ACACA: variants seen among roughly 807,000 people sequenced by gnomAD.
ACACA encodes the protein acetyl-CoA carboxylase alpha, also known as acetyl-CoA carboxylase 1.
Under a neutral mutation model 296.1 loss-of-function variants are expected in ACACA, and 103 were observed. The observed-to-expected ratio is 0.35, with a 90% CI of 0.30 to 0.41. ACACA has a LOEUF of 0.41. Ranked by LOEUF, ACACA falls within the 10% of genes least tolerant of loss-of-function variation. The probability of loss-of-function intolerance (pLI) is 1.00; values close to 1 mark genes in which losing one functional copy is unlikely to be tolerated. For missense variants in ACACA, 1,554 were observed against 2,989.7 expected (o/e 0.52, Z 11.20); for synonymous variants, 953 against 1,038.6 (o/e 0.92, Z 1.58).
At chr17:37,148,009 G>A (rs994218429) in intron 45 of ACACA, among the ~76,000 whole-genome samples, 1 of 152,022 alleles carries the variant, frequency 6.6e-6, no homozygotes, top group Non-Finnish European at 1.5e-5. Flanking sequence ...ATCGGGGCAG[G>A]GGGGAGAAAG....
intron 25 of ACACA, among the ~76,000 whole-genome samples, chr17:37,229,791 C>T (rs2079759423): frequency 6.6e-6 from 1 of 151,732 alleles, no homozygotes; most frequent in Non-Finnish European, 1.5e-5. Flanking sequence ...AAATGTGGGC[C>T]AGGCGTGGTG....
At chr17:37,135,223 T>A (rs1597925631) in intron 45 of ACACA, among the ~76,000 whole-genome samples, 1 of 152,202 alleles carries the variant, frequency 6.6e-6, no homozygotes, top group Non-Finnish European at 1.5e-5. Flanking sequence ...TGGAATTAAA[T>A]CTCTAGGGAG....
intron 1 of ACACA, among the ~76,000 whole-genome samples, chr17:37,388,366 G>A (rs1369688461): frequency 6.6e-6 from 1 of 152,100 alleles, no homozygotes; most frequent in Non-Finnish European, 1.5e-5. Flanking sequence ...ATGTGTACCC[G>A]AGATTTTTCT....
chr17:37,210,916 G>C (rs1407605998), intron 29 of ACACA, among the ~76,000 whole-genome samples: 1 of 152,032 alleles, frequency 6.6e-6, no homozygotes, highest in Non-Finnish European at 1.5e-5. Flanking sequence ...TATTACTGAA[G>C]GTGTAATAAG....
chr17:37,108,217 T>C (rs2142973856), intron 52 of ACACA, among the ~76,000 whole-genome samples: 1 of 152,248 alleles, frequency 6.6e-6, no homozygotes, highest in Admixed American at 6.5e-5. Flanking sequence ...ACTATTTACA[T>C]ATTTTCTGTT....
chr17:37,403,368 C>CTTTTTT (rs36037660), intron 1 of ACACA, among the ~76,000 whole-genome samples: 1 of 112,174 alleles, frequency 8.9e-6, no homozygotes, highest in Non-Finnish European at 1.8e-5. Flanking sequence ...TTTGCCACAT[C>CTTTTTT]TTTTTTTTTT....
chr17:37,191,887 T>G (rs181959541), intron 37 of ACACA, among the ~76,000 whole-genome samples: 1 of 151,136 alleles, frequency 6.6e-6, no homozygotes, highest in Admixed American at 6.6e-5. Context: ...CTTTCTGCTT[T>G]GTAAAAAAAA....
intron 8 of ACACA, 141 bp downstream of exon 8, chr17:37,275,810 C>G (rs1444703496): frequency 5.2e-6 from 4 of 764,820 alleles, no homozygotes; most frequent in Non-Finnish European, 9.3e-6. Context: ...ATTAATTAAG[C>G]TAGGAGCTAC....
At chr17:37,108,985 CATTT>C (rs2142983279) in intron 52 of ACACA, among the ~76,000 whole-genome samples, 1 of 152,288 alleles carries the variant, frequency 6.6e-6, no homozygotes, top group Non-Finnish European at 1.5e-5. Flanking sequence ...CTCTGATGTA[CATTT>C]ATTTATTTTG....
chr17:37,291,141 C>CAG (rs2083038297), intron 3 of ACACA, among the ~76,000 whole-genome samples: 1 of 87,148 alleles, frequency 1.1e-5, no homozygotes, highest in Admixed American at 1.4e-4. Context: ...ATGAAAAACA[C>CAG]ATACACACAC....
At chr17:37,165,427 A>G (rs558742033) in intron 41 of ACACA, among the ~76,000 whole-genome samples, 81 of 152,242 alleles carry the variant, frequency 5.3e-4, no homozygotes, top group African/African-American at 1.9e-3. Context: ...ACTGAGCTTC[A>G]ATGTCCCCAC....
intron 3 of ACACA, among the ~76,000 whole-genome samples, chr17:37,325,057 C>T (rs911431928): frequency 4.0e-5 from 6 of 150,844 alleles, no homozygotes; most frequent in Admixed American, 6.6e-5. Context: ...AAAAATTAGC[C>T]GGGCATGGTG....
In ACACA at chr17:37,085,697, G is replaced by T. The variant is rs777465712; in HGVS notation, c.*1619C>A. 13 of 399,056 alleles carry T rather than the reference G, an allele frequency of 3.3e-5. No individual in the cohort carries two copies. The highest frequency in any genetic ancestry group is 5.3e-5 in the Non-Finnish European group (12 of 226,224). 24.7% of individuals were successfully genotyped at this position (399,056 alleles called of 1,614,324 possible). A position where few individuals can be genotyped will look rare whatever the true frequency, so the allele number is the denominator to read the frequency against. ...TGTCCGCTCCATACCCAGCCATACA[G>T]TGCCCACCTGCAACCCAGAACCATT... is the stretch of plus-strand genomic sequence containing the variant. On this transcript the variant is annotated 3_prime_UTR_variant, in exon 56 of 56. Coordinates refer to ENST00000616317, the MANE Select transcript of ACACA (RefSeq NM_198834.3).
chr17:37,212,690 T>C (rs1231864118), intron 29 of ACACA, among the ~76,000 whole-genome samples: 3 of 151,730 alleles, frequency 2.0e-5, no homozygotes, highest in Non-Finnish European at 4.4e-5. Context: ...AAGGTCCCAC[T>C]ATGTTGCCCA....
chr17:37,377,699 AAATAAAAGT>A (rs2050066140), intron 1 of ACACA, among the ~76,000 whole-genome samples: 2 of 144,514 alleles, frequency 1.4e-5, no homozygotes, highest in African/African-American at 5.2e-5. Context: ...ATAAATAAAT[AAATAAAAGT>A]AAAGTCTTTT....
At chr17:37,315,937 T>C (rs1365033569) in intron 3 of ACACA, among the ~76,000 whole-genome samples, 1 of 152,112 alleles carries the variant, frequency 6.6e-6, no homozygotes, top group African/African-American at 2.4e-5. Flanking sequence ...GACTTGAAAG[T>C]TCCAATTCTC....
rs567194123 is a variant in ACACA at position 37,086,013 on chromosome 17, A to C, written c.*1303T>G. ...CTTGAATAAACTAGTTGTTGAAAGT[A>C]AACTCTCTCCACCACCTGAGGAAGC... is the stretch of plus-strand genomic sequence containing the variant. On this transcript the variant is annotated 3_prime_UTR_variant, in exon 56 of 56. Coordinates refer to ENST00000616317, the MANE Select transcript of ACACA (RefSeq NM_198834.3). 1.5e-5 allele frequency: 6 copies of C among 393,172 alleles called. No homozygotes were observed. Among genetic ancestry groups the C allele is most frequent in the African/African-American group, 1.0e-4 (5 of 48,556 alleles). The allele number at this position is 393,172 out of a possible 1,614,324, so 24.4% of individuals were successfully genotyped here. A position where few individuals can be genotyped will look rare whatever the true frequency, so the allele number is the denominator to read the frequency against.
At chr17:37,289,496 C>T in intron 3 of ACACA, 4 of 1,351,980 alleles carry the variant, frequency 3.0e-6, no homozygotes, top group Non-Finnish European at 3.9e-6. Flanking sequence ...CCTCTAGGCA[C>T]CTCCACTTCA....
intron 50 of ACACA, among the ~76,000 whole-genome samples, chr17:37,120,294 C>A (rs918248128): frequency 2.0e-5 from 3 of 151,996 alleles, no homozygotes; most frequent in African/African-American, 4.8e-5. Flanking sequence ...GAGACAGAGT[C>A]TTACCCTTTT....
Sources: allele counts gnomAD v4.1 joint callset (sites outside exome capture counted in the v4.1 genomes callset), GRCh38; gene constraint gnomAD v4.1.1; transcripts MANE v1.5; gene names NCBI Gene and HGNC (gene_info 2026-07-23, HGNC 2026-07-21).